Variants in PARD3B observed in about 807,000 individuals in gnomAD.
PARD3B encodes partitioning defective 3 homolog B.
PARD3B carries 103 observed loss-of-function variants against 130.2 expected under a neutral mutation model. That is an observed-to-expected ratio of 0.79 (90% confidence interval 0.67 to 0.93). The LOEUF (loss-of-function observed/expected upper bound fraction) is 0.93. Among genes scored for constraint, PARD3B ranks in the 40% least tolerant of loss-of-function variants. The pLI, the probability that PARD3B is intolerant of heterozygous loss-of-function variation, is 0.00. For missense variants in PARD3B, 1,609 were observed against 1,499.2 expected, an observed-to-expected ratio of 1.07 and a Z score of -1.21; for synonymous variants, 583 against 553.2, an observed-to-expected ratio of 1.05 and a Z score of -0.76.
chr2:205,165,150 CT>C (rs1011572046), intron 11 of PARD3B, among the ~76,000 whole-genome samples: 8 of 151,968 alleles, frequency 5.3e-5, no homozygotes, highest in African/African-American at 1.9e-4. Context: ...TAACAAGCTT[CT>C]TTTTAATCTG....
intron 2 of PARD3B, among the ~76,000 whole-genome samples, chr2:204,880,657 CAAAAAAAAAAAA>C (rs746023895): frequency 1.8e-5 from 1 of 55,466 alleles, no homozygotes; most frequent in Non-Finnish European, 4.0e-5. Context: ...GACTCCATCT[CAAAAAAAAAAAA>C]AAAAAAAAAA....
intron 13 of PARD3B, among the ~76,000 whole-genome samples, chr2:205,184,923 G>T (rs1297528903): frequency 6.6e-6 from 1 of 152,076 alleles, no homozygotes; most frequent in Non-Finnish European, 1.5e-5. Context: ...TTGGAAACAT[G>T]GCAGTCTTGC....
chr2:205,156,277 G>T (rs1267100337), intron 10 of PARD3B, among the ~76,000 whole-genome samples: 2 of 134,684 alleles, frequency 1.5e-5, no homozygotes, highest in African/African-American at 2.7e-5. Flanking sequence ...TGGGCGGGGG[G>T]GGGAGGAATA....
chr2:204,592,774 C>G (rs2033130857), intron 1 of PARD3B, among the ~76,000 whole-genome samples: 2 of 152,286 alleles, frequency 1.3e-5, no homozygotes, highest in African/African-American at 4.8e-5. Context: ...TACCAGTTAT[C>G]CCCTATTCCC....
rs139775310 is a variant in PARD3B, at chr2:205,025,835, C to T, written c.395-21746C>T. Among the ~76,000 whole-genome samples, 282 of 152,228 alleles carry T rather than the reference C, an allele frequency of 1.9e-3. 1 individual carries two copies. The highest frequency in any genetic ancestry group is 6.4e-3 in the African/African-American group (266 of 41,546). ...CCCCTCAACACACAGATGCCTTGTA[C>T]CTGACCTAATAAGTTGAGTCAGCAA... On this transcript the variant is annotated intron_variant, in intron 3 of 22. Transcript: ENST00000406610.
At chr2:205,415,685 A>C (rs1442731494) in intron 19 of PARD3B, among the ~76,000 whole-genome samples, 7 of 152,190 alleles carry the variant, frequency 4.6e-5, no homozygotes. Flanking sequence ...ACCTTGGTCC[A>C]TACTGCTCTT....
Position 204,724,354 on chromosome 2 carries a change from C to T in PARD3B, c.222+38072C>T, listed in dbSNP as rs10932083. Reference sequence around the variant, plus strand: ...AAAGTCACAATGTCTTCAAATCTTACGGTTGATTCAGACTGAAATCTTTTA... The same window carrying T: ...AAAGTCACAATGTCTTCAAATCTTATGGTTGATTCAGACTGAAATCTTTTA... On this transcript the variant is annotated intron_variant, in intron 2 of 22. Transcript: ENST00000406610. Among the ~76,000 whole-genome samples the T allele has an allele frequency of 0.013, 2,044 of 152,202 alleles. 75 individuals are homozygous for T. The East Asian group carries it at 0.14, about 10-fold the overall frequency.
intron 2 of PARD3B, among the ~76,000 whole-genome samples, chr2:204,913,836 A>C (rs2047340352): frequency 6.6e-6 from 1 of 152,242 alleles, no homozygotes; most frequent in African/African-American, 2.4e-5. Flanking sequence ...TAAGACAGAA[A>C]TAATTAAATT....
chr2:205,456,332 A>G (rs796566349), intron 20 of PARD3B, among the ~76,000 whole-genome samples: 84 of 152,130 alleles, frequency 5.5e-4, no homozygotes, highest in African/African-American at 2.0e-3. Context: ...AGTCACCTAC[A>G]TGCTTTTGTG....
intron 1 of PARD3B, among the ~76,000 whole-genome samples, chr2:204,587,405 TGTAGGCAATGAA>T (rs1292456579): frequency 6.6e-6 from 1 of 152,246 alleles, no homozygotes; most frequent in Non-Finnish European, 1.5e-5. Context: ...TTTTATTCAT[TGTAGGCAATGAA>T]TTGTCCACGG....
chr2:205,490,806 A>G (rs2049673199), intron 20 of PARD3B, among the ~76,000 whole-genome samples: 1 of 152,182 alleles, frequency 6.6e-6, no homozygotes, highest in African/African-American at 2.4e-5. Context: ...TCGCCATTCT[A>G]ACTGGTGTGA....
intron 5 of PARD3B, among the ~76,000 whole-genome samples, chr2:205,107,263 A>C (rs1703293054): frequency 6.6e-6 from 1 of 152,228 alleles, no homozygotes; most frequent in African/African-American, 2.4e-5. Context: ...TTTAAACCAC[A>C]GAATTTATCA....
intron 19 of PARD3B, among the ~76,000 whole-genome samples, chr2:205,427,628 A>T (rs1338818814): frequency 2.0e-5 from 3 of 152,176 alleles, no homozygotes; most frequent in Admixed American, 6.5e-5. Context: ...ATATAGTTAT[A>T]TTGCATGGGA....
chr2:205,599,699 C>G (rs1368905138), intron 22 of PARD3B, among the ~76,000 whole-genome samples: 2 of 152,192 alleles, frequency 1.3e-5, no homozygotes, highest in Non-Finnish European at 2.9e-5. Flanking sequence ...GGCCAACAGA[C>G]TCTTCACTTC....
chr2:205,107,442 T>G (rs1302242298), intron 5 of PARD3B, among the ~76,000 whole-genome samples: 2 of 152,218 alleles, frequency 1.3e-5, no homozygotes, highest in African/African-American at 4.8e-5. Context: ...GAAGATTAAA[T>G]GAGATATAGT....
At chr2:205,074,100 T>G (rs1700899060) in intron 4 of PARD3B, among the ~76,000 whole-genome samples, 1 of 152,214 alleles carries the variant, frequency 6.6e-6, no homozygotes, top group Non-Finnish European at 1.5e-5. Flanking sequence ...AATGTATCTT[T>G]TTCTAGTTGG....
intron 21 of PARD3B, among the ~76,000 whole-genome samples, chr2:205,509,355 C>T (rs1335342765): frequency 6.6e-6 from 1 of 152,096 alleles, no homozygotes. Flanking sequence ...TAACCCCCTC[C>T]CTTCTTTTCT....
At chr2:204,981,452 AG>A (rs970284982) in intron 3 of PARD3B, among the ~76,000 whole-genome samples, 2 of 152,212 alleles carry the variant, frequency 1.3e-5, no homozygotes, top group African/African-American at 2.4e-5. Context: ...AGAAGGTGTA[AG>A]GAGTTAATTC....
intron 1 of PARD3B, among the ~76,000 whole-genome samples, chr2:204,624,632 G>A (rs1036227866): frequency 3.3e-5 from 5 of 152,036 alleles, no homozygotes; most frequent in Admixed American, 2.0e-4. Context: ...TTCACCTATC[G>A]TGGACATTCT....
Sources: gnomAD v4.1 joint callset for allele counts (sites outside exome capture counted in the v4.1 genomes callset) on GRCh38, gnomAD v4.1.1 for gene constraint, MANE v1.5 for transcripts, NCBI Gene and HGNC (gene_info 2026-07-23, HGNC 2026-07-21) for gene names.